Variants in GPX8 observed in about 807,000 individuals in gnomAD.
GPX8 encodes protein peroxidase GPX8.
GPX8 carries 12 observed loss-of-function variants against 17.8 expected under a neutral mutation model. The observed-to-expected ratio is 0.67, with a 90% confidence interval of 0.43 to 1.09. The LOEUF (loss-of-function observed/expected upper bound fraction) is 1.09, where lower values mean the gene tolerates loss of function less well. Among genes scored for constraint, GPX8 ranks in the 50% least tolerant of loss-of-function variants. GPX8 has a pLI of 0.00. For missense variants in GPX8, 209 were observed against 235.6 expected, an observed-to-expected ratio of 0.89 and a Z score of 0.74; for synonymous variants, 86 against 88.1, an observed-to-expected ratio of 0.98 and a Z score of 0.14.
At chr5:55,163,626 C>G (rs1744210102) in intron 2 of GPX8, among the ~76,000 whole-genome samples, 1 of 151,746 alleles carries the variant, frequency 6.6e-6, no homozygotes, top group South Asian at 2.1e-4. Context: ...ACTGTCTCAG[C>G]CTCCCGAGTA....
chr5:55,165,230 G>A lies in GPX8; in HGVS notation c.*1012G>A, dbSNP rs533828123. The A allele has an allele frequency of 7.5e-6, 1 of 132,788 alleles. No individual in the cohort carries two copies. The highest frequency in any genetic ancestry group is 2.4e-4 in the South Asian group (1 of 4,106). 8.2% of individuals were successfully genotyped at this position (132,788 alleles called of 1,614,324 possible). A position where few individuals can be genotyped will look rare whatever the true frequency, so the allele number is the denominator to read the frequency against. On this transcript the variant is annotated 3_prime_UTR_variant, in exon 3 of 3. Transcript: ENST00000503787. Reference sequence around the variant, plus strand: ...ACAAGTCCTAAAGTGTAGATCAGCAGTCACTGAACCTCTTAGAGTCACAAG... The same window carrying A: ...ACAAGTCCTAAAGTGTAGATCAGCAATCACTGAACCTCTTAGAGTCACAAG...
In GPX8 at chr5:55,165,710, A is replaced by G. The variant is rs950247041; in HGVS notation, c.*1492A>G. ...CCAGAGGTCAAGAGGATTTGTAGGGATAGCCTCAAGAATGCCAGATGAGTG... is the reference window on the plus strand; with the variant it reads ...CCAGAGGTCAAGAGGATTTGTAGGGGTAGCCTCAAGAATGCCAGATGAGTG... On this transcript the variant is annotated 3_prime_UTR_variant, in exon 3 of 3. Coordinates refer to ENST00000503787, the MANE Select transcript of GPX8 (RefSeq NM_001008397.4). The G allele has an allele frequency of 7.2e-5, 11 of 152,260 alleles. No homozygotes were observed. Among genetic ancestry groups the G allele is most frequent in the African/African-American group, 2.2e-4 (9 of 41,462 alleles). 9.4% of individuals were successfully genotyped at this position (152,260 alleles called of 1,614,324 possible).
chr5:55,163,364 T>C (rs555540057), intron 2 of GPX8, among the ~76,000 whole-genome samples: 3 of 151,850 alleles, frequency 2.0e-5, no homozygotes, highest in Admixed American at 6.6e-5. Context: ...AAAAAAAAAG[T>C]TATTGCTTTT....
chr5:55,160,264 T>G lies in GPX8; in HGVS notation c.72T>G (p.Ser24=). 1 of 1,613,972 alleles carries G rather than the reference T, an allele frequency of 6.2e-7. No individual in the cohort carries two copies. Among genetic ancestry groups the G allele is most frequent in the Non-Finnish European group, 8.5e-7 (1 of 1,179,780 alleles). The change falls in exon 1 of 3, where the codon TCT becomes TCG. Residue 24 remains serine (S), a synonymous_variant. Coordinates refer to ENST00000503787, the MANE Select transcript of GPX8 (RefSeq NM_001008397.4). ...CAAAGGTATTTGCAGTTTTGCTGTC[T>G]ATAGTTCTATGCACAGTAACGCTAT... The part of the protein sequence containing the change: ...PRAKVFAVLL[S]IVLCTVTLFL...
In GPX8 at chr5:55,167,176, GT is replaced by G. The variant is rs1360980052; in HGVS notation, c.*2961del. On this transcript the variant is annotated 3_prime_UTR_variant, in exon 3 of 3. Transcript: ENST00000503787. Reference sequence around the variant, plus strand: ...GTGGTAACTAATTCACTGACTTGAAGTTTGCTTTGTTTGTTTTCTTTGGTGC... The same window carrying G: ...GTGGTAACTAATTCACTGACTTGAAGTTGCTTTGTTTGTTTTCTTTGGTGC... 1.3e-5 allele frequency: 2 copies of G among 152,198 alleles called. No homozygotes were observed. Among genetic ancestry groups the G allele is most frequent in the African/African-American group, 2.4e-5 (1 of 41,460 alleles). 9.4% of individuals were successfully genotyped at this position (152,198 alleles called of 1,614,324 possible).
At chr5:55,162,153 T>C (rs1580370563) in intron 2 of GPX8, among the ~76,000 whole-genome samples, 1 of 149,864 alleles carries the variant, frequency 6.7e-6, no homozygotes, top group South Asian at 2.1e-4. Flanking sequence ...CCCAGCACTT[T>C]AGGAGGCCGA....
intron 2 of GPX8, among the ~76,000 whole-genome samples, chr5:55,163,235 C>A (rs1175864794): frequency 6.6e-6 from 1 of 151,982 alleles, no homozygotes; most frequent in Non-Finnish European, 1.5e-5. Context: ...AAAAGGATAT[C>A]ATGGCTGGGC....
rs1458773926 is a variant in GPX8, at chr5:55,164,158, C to T, written c.570C>T (p.Ile190=). 3.7e-6 allele frequency: 6 copies of T among 1,600,080 alleles called. No homozygotes were observed. Among genetic ancestry groups the T allele is most frequent in the South Asian group, 2.2e-5 (2 of 89,040 alleles). The part of the protein sequence containing the change: ...FWKPEEPIEV[I]RPDIAALVRQ... ...AGCCAGAGGAGCCCATTGAAGTCATCAGGCCTGACATAGCAGCTCTGGTTA... is the reference window on the plus strand; with the variant it reads ...AGCCAGAGGAGCCCATTGAAGTCATTAGGCCTGACATAGCAGCTCTGGTTA... Residue 190 remains isoleucine (I), a synonymous_variant, in exon 3 of 3, where the codon ATC becomes ATT. Coordinates refer to ENST00000503787, the MANE Select transcript of GPX8 (RefSeq NM_001008397.4).
In GPX8 at chr5:55,164,894, A is replaced by G. The variant is rs1399264862; in HGVS notation, c.*676A>G. 6.6e-6 allele frequency: 1 copy of G among 152,230 alleles called. No individual in the cohort carries two copies. Among genetic ancestry groups the G allele is most frequent in the Non-Finnish European group, 1.5e-5 (1 of 68,046 alleles). 9.4% of individuals were successfully genotyped at this position (152,230 alleles called of 1,614,324 possible). ...GTCATTTATAAATGACCGTATTATA[A>G]CATTTGAAAAAGTCTTCATCATTTT... On this transcript the variant is annotated 3_prime_UTR_variant, in exon 3 of 3. Coordinates refer to ENST00000503787, the MANE Select transcript of GPX8 (RefSeq NM_001008397.4).
chr5:55,160,727 C>A, intron 1 of GPX8: 1 of 462,082 alleles, frequency 2.2e-6, no homozygotes, highest in Non-Finnish European at 3.8e-6. Context: ...TTAAAAAGAA[C>A]TTATCAAGGA....
chr5:55,161,099 T>G lies in GPX8; in HGVS notation c.310T>G (p.Leu104Val). Residue 104 changes from leucine to valine, a missense_variant, in exon 2 of 3, where the codon TTG (leucine) becomes GTG (valine). Transcript: ENST00000503787. ...KEFGPSHFSV[L>V]AFPCNQFGES... Reference sequence around the variant, plus strand: ...GTTTGGACCATCCCACTTCAGCGTGTTGGCTTTTCCCTGCAATCAGTTTGG... The same window carrying G: ...GTTTGGACCATCCCACTTCAGCGTGGTGGCTTTTCCCTGCAATCAGTTTGG... The G allele has an allele frequency of 6.2e-7, 1 of 1,614,192 alleles. No individual in the cohort carries two copies. The highest frequency in any genetic ancestry group is 1.1e-5 in the South Asian group (1 of 91,080).
Position 55,164,390 on chromosome 5 carries a change from G to A in GPX8, c.*172G>A. 2 of 398,546 alleles carry A rather than the reference G, an allele frequency of 5.0e-6. No individual in the cohort carries two copies. Among genetic ancestry groups the A allele is most frequent in the Non-Finnish European group, 8.7e-6 (2 of 229,820 alleles). The allele number at this position is 398,546 out of a possible 1,614,324, so 24.7% of individuals were successfully genotyped here. A position where few individuals can be genotyped will look rare whatever the true frequency, so the allele number is the denominator to read the frequency against. On this transcript the variant is annotated 3_prime_UTR_variant, in exon 3 of 3. Transcript: ENST00000503787. ...CCTTTTTAAACATGCTATTAAATGT[G>A]GCAATGAAGGATTTTTTTTTAATGT... is the stretch of plus-strand genomic sequence containing the variant.
intron 1 of GPX8, 154 bp downstream of exon 1, chr5:55,160,550 C>G: frequency 1.7e-6 from 1 of 590,304 alleles, no homozygotes. Context: ...TATTACAGTT[C>G]TGATAGTTTG....
Position 55,160,986 on chromosome 5 carries a change from TCCGG to T in GPX8, c.205-7_205-4del, listed in dbSNP as rs1425149560. On this transcript the variant is annotated splice_polypyrimidine_tract_variant and splice_region_variant and intron_variant, in intron 1 of 2. Coordinates refer to ENST00000503787, the MANE Select transcript of GPX8 (RefSeq NM_001008397.4). ...CTTTCCGGTTGGATTTTTTTCTTTT[TCCGG>T]GAGGTTTCACTAGTTGTAAACGTGG... 1 of 1,587,910 alleles carries T rather than the reference TCCGG, an allele frequency of 6.3e-7. No individual in the cohort carries two copies. The highest frequency in any genetic ancestry group is 1.8e-5 in the Admixed American group (1 of 54,102).
rs1243767256 is a variant in GPX8 at position 55,164,498 on chromosome 5, C to T, written c.*280C>T. The T allele has an allele frequency of 4.7e-6, 1 of 210,670 alleles. No homozygotes were observed. Among genetic ancestry groups the T allele is most frequent in the Non-Finnish European group, 9.4e-6 (1 of 106,912 alleles). 13.1% of individuals were successfully genotyped at this position (210,670 alleles called of 1,614,324 possible). ...AAATCAAGAGTAGCCAAAGAATCAA[C>T]ATGAAATATATTAACTACTTCCTCT... On this transcript the variant is annotated 3_prime_UTR_variant, in exon 3 of 3. Coordinates refer to ENST00000503787, the MANE Select transcript of GPX8 (RefSeq NM_001008397.4).
In GPX8 at chr5:55,164,504, A is replaced by G; in HGVS notation, c.*286A>G. 1 of 202,512 alleles carries G rather than the reference A, an allele frequency of 4.9e-6. No homozygotes were observed. Among genetic ancestry groups the G allele is most frequent in the African/African-American group, 2.3e-5 (1 of 43,482 alleles). The allele number at this position is 202,512 out of a possible 1,614,324, so 12.5% of individuals were successfully genotyped here. ...AGAGTAGCCAAAGAATCAACATGAA[A>G]TATATTAACTACTTCCTCTGACCAT... On this transcript the variant is annotated 3_prime_UTR_variant, in exon 3 of 3. Coordinates refer to ENST00000503787, the MANE Select transcript of GPX8 (RefSeq NM_001008397.4).
chr5:55,166,626 T>C lies in GPX8; in HGVS notation c.*2408T>C, dbSNP rs1379781957. 2.0e-5 allele frequency: 3 copies of C among 152,220 alleles called. No individual in the cohort carries two copies. The highest frequency in any genetic ancestry group is 7.2e-5 in the African/African-American group (3 of 41,452). 9.4% of individuals were successfully genotyped at this position (152,220 alleles called of 1,614,324 possible). A position where few individuals can be genotyped will look rare whatever the true frequency, so the allele number is the denominator to read the frequency against. On this transcript the variant is annotated 3_prime_UTR_variant, in exon 3 of 3. Coordinates refer to ENST00000503787, the MANE Select transcript of GPX8 (RefSeq NM_001008397.4). The stretch of plus-strand genomic sequence containing the variant: ...AGCGGACAAACACATAGAGGAAAAG[T>C]TGAATCTTTCCTATATTGGACAATC...
rs34286995 is a variant in GPX8, at chr5:55,162,090, CAAAAAAA to C, written c.466+852_466+858del. ...AGACACTGTTCTAAACCATATTAGT[CAAAAAAA>C]AAAAAAAAAAAAAAAAGGCCGGGCG... is the stretch of plus-strand genomic sequence containing the variant. On this transcript the variant is annotated intron_variant, in intron 2 of 2. Transcript: ENST00000503787. Among the ~76,000 whole-genome samples, 21 of 90,712 alleles carry C rather than the reference CAAAAAAA, an allele frequency of 2.3e-4. No homozygotes were observed. In the East Asian group the frequency reaches 5.8e-3, roughly 25 times the overall value. 59.5% of individuals were successfully genotyped at this position (90,712 alleles called of 152,430 possible). A position where few individuals can be genotyped will look rare whatever the true frequency, so the allele number is the denominator to read the frequency against.
In GPX8 at chr5:55,165,837, G is replaced by A. The variant is rs1447502262; in HGVS notation, c.*1619G>A. On this transcript the variant is annotated 3_prime_UTR_variant, in exon 3 of 3. Coordinates refer to ENST00000503787, the MANE Select transcript of GPX8 (RefSeq NM_001008397.4). ...CTCACCTGTAAATTGAACAGGGGTT[G>A]AATGGAATAAAAAGCCCTTTGCAAC... 1.3e-5 allele frequency: 2 copies of A among 152,196 alleles called. No homozygotes were observed. The highest frequency in any genetic ancestry group is 2.9e-5 in the Non-Finnish European group (2 of 68,036). The allele number at this position is 152,196 out of a possible 1,614,324, so 9.4% of individuals were successfully genotyped here.
Sources: allele counts gnomAD v4.1 joint callset (sites outside exome capture counted in the v4.1 genomes callset), GRCh38; gene constraint gnomAD v4.1.1; transcripts MANE v1.5; gene names NCBI Gene and HGNC (gene_info 2026-07-23, HGNC 2026-07-21).